Variants in ZBTB40 observed in about 807,000 individuals in gnomAD.
The protein encoded by ZBTB40 is zinc finger and BTB domain containing 40.
A neutral mutation model predicts 117.5 loss-of-function variants in ZBTB40; 60 were observed. The observed-to-expected ratio is 0.51, with a 90% CI of 0.41 to 0.63. The LOEUF (loss-of-function observed/expected upper bound fraction) is 0.63. Ranked by LOEUF, ZBTB40 falls within the 30% of genes least tolerant of loss-of-function variation. ZBTB40 has a pLI of 0.00. For synonymous variants in ZBTB40, 525 were observed against 577.1 expected (o/e 0.91, Z 1.29); for missense variants, 1,287 against 1,498.5 (o/e 0.86, Z 2.33).
chr1:22,447,789 C>G (rs922276210), upstream of ZBTB40, among the ~76,000 whole-genome samples: 1 of 152,162 alleles, frequency 6.6e-6, no homozygotes, highest in Non-Finnish European at 1.5e-5. Context: ...AGTCATTTGG[C>G]AAATTCCAAC....
At chr1:22,524,514 C>A in intron 17 of ZBTB40, 70 bp downstream of exon 17, 1 of 1,498,284 alleles carries the variant, frequency 6.7e-7, no homozygotes, top group Non-Finnish European at 9.1e-7. Flanking sequence ...AGAGGTGGCT[C>A]TGTCATAGTA....
chr1:22,475,237 TCTG>T (rs1039792865), intron 1 of ZBTB40, among the ~76,000 whole-genome samples: 1 of 152,242 alleles, frequency 6.6e-6, no homozygotes, highest in Non-Finnish European at 1.5e-5. Flanking sequence ...ATTAGTCCAT[TCTG>T]CTGGTCACTA....
intron 1 of ZBTB40, among the ~76,000 whole-genome samples, chr1:22,459,921 C>T (rs989909433): frequency 6.6e-6 from 1 of 152,110 alleles, no homozygotes; most frequent in Non-Finnish European, 1.5e-5. Context: ...CTGTATGCTT[C>T]TTTTTCAGTT....
chr1:22,459,942 T>C (rs1641091940), intron 1 of ZBTB40, among the ~76,000 whole-genome samples: 1 of 152,242 alleles, frequency 6.6e-6, no homozygotes, highest in South Asian at 2.1e-4. Flanking sequence ...TATTAGACCT[T>C]TATTCTTAAC....
intron 1 of ZBTB40, among the ~76,000 whole-genome samples, chr1:22,431,380 G>GTATATATATATATA (rs1299801234): frequency 1.4e-3 from 21 of 15,250 alleles, no homozygotes; most frequent in Admixed American, 2.3e-3. Flanking sequence ...GTGTGTGTGT[G>GTATATATATATATA]TGTGTATATA....
chr1:22,429,796 C>T (rs1569725630), intron 1 of ZBTB40, among the ~76,000 whole-genome samples: 1 of 152,086 alleles, frequency 6.6e-6, no homozygotes, highest in South Asian at 2.1e-4. Context: ...AGTTCGAGAC[C>T]AGTCTGACCA....
At chr1:22,525,755 G>T (rs567984720) in intron 17 of ZBTB40, among the ~76,000 whole-genome samples, 2 of 152,364 alleles carry the variant, frequency 1.3e-5, no homozygotes, top group East Asian at 3.9e-4. Context: ...CTGTGAGCCT[G>T]CGAGAGGTCC....
At chr1:22,489,148 A>G (rs560201149) in intron 1 of ZBTB40, among the ~76,000 whole-genome samples, 13 of 152,224 alleles carry the variant, frequency 8.5e-5, no homozygotes, top group Admixed American at 6.5e-4. Context: ...TTGGAGGTCT[A>G]CATCAGGAGT....
At chr1:22,509,439 C>G (rs751257402) in intron 9 of ZBTB40, among the ~76,000 whole-genome samples, 9 of 152,162 alleles carry the variant, frequency 5.9e-5, no homozygotes, top group Non-Finnish European at 1.0e-4. Context: ...CTCTGCCTTC[C>G]GGGTTCAAGC....
rs535625700 is a variant in ZBTB40 at position 22,438,860 on chromosome 1, T to G, written c.-70+9846T>G. The stretch of plus-strand genomic sequence containing the variant: ...TTCTTTTGCCCATTTTTTATTTCAT[T>G]TTATTTATTTATTTATTTATTTTTT... On this transcript the variant is annotated intron_variant, in intron 1 of 8. Transcript: ENST00000650433. 1.6e-3 allele frequency among the ~76,000 whole-genome samples: 239 copies of G among 152,064 alleles called. 1 individual carries two copies. The highest frequency in any genetic ancestry group is 5.6e-3 in the African/African-American group (232 of 41,440).
At chr1:22,473,381 T>C (rs1641459276) in intron 1 of ZBTB40, among the ~76,000 whole-genome samples, 1 of 152,212 alleles carries the variant, frequency 6.6e-6, no homozygotes, top group Non-Finnish European at 1.5e-5. Flanking sequence ...CTATATGTCC[T>C]TGGGTCTGTT....
At chr1:22,497,104 T>G (rs540604031) in intron 3 of ZBTB40, among the ~76,000 whole-genome samples, 1 of 152,356 alleles carries the variant, frequency 6.6e-6, no homozygotes, top group East Asian at 1.9e-4. Context: ...ATTGTCTTCC[T>G]TCTTTATTCC....
At chr1:22,483,295 C>T (rs1228664645) in intron 1 of ZBTB40, among the ~76,000 whole-genome samples, 1 of 152,130 alleles carries the variant, frequency 6.6e-6, no homozygotes, top group Non-Finnish European at 1.5e-5. Context: ...AAGTCTTCAA[C>T]CCCTTTGGTT....
chr1:22,448,549 A>G (rs1257484168), upstream of ZBTB40, among the ~76,000 whole-genome samples: 1 of 152,166 alleles, frequency 6.6e-6, no homozygotes. Flanking sequence ...AAAAGTGCAG[A>G]CTGCAGTCAG....
At chr1:22,521,120 G>T (rs979501571) in intron 14 of ZBTB40, among the ~76,000 whole-genome samples, 2 of 152,258 alleles carry the variant, frequency 1.3e-5, no homozygotes, top group African/African-American at 4.8e-5. Flanking sequence ...AGGTGTTACA[G>T]TTGGAAGGCC....
intron 1 of ZBTB40, among the ~76,000 whole-genome samples, chr1:22,455,589 CT>C (rs1360126844): frequency 6.6e-6 from 1 of 152,084 alleles, no homozygotes; most frequent in African/African-American, 2.4e-5. Flanking sequence ...TGGGTGGGAC[CT>C]TTGCATCTAA....
intron 1 of ZBTB40, among the ~76,000 whole-genome samples, chr1:22,486,641 C>T (rs1638477061): frequency 6.6e-6 from 1 of 152,182 alleles, no homozygotes; most frequent in South Asian, 2.1e-4. Flanking sequence ...GCACACTGAG[C>T]CTCCAGTGAT....
At position 22,488,649 on chromosome 1, in the gene ZBTB40, C is replaced by A. The variant is rs115707452; in HGVS notation, c.-69-1231C>A. On this transcript the variant is annotated intron_variant, in intron 1 of 17. Transcript: ENST00000375647. ...GATGAGGTTAGGAGCCGATGACAGC[C>A]AGATCATGATTAAAGGCTTGCTAGG... Among the ~76,000 whole-genome samples the A allele has an allele frequency of 8.7e-3, 1,320 of 152,270 alleles. 10 individuals carry two copies. Among genetic ancestry groups the A allele is most frequent in the African/African-American group, 0.03 (1,250 of 41,554 alleles).
intron 1 of ZBTB40, among the ~76,000 whole-genome samples, chr1:22,460,013 AC>A (rs1281109083): frequency 6.6e-6 from 1 of 152,190 alleles, no homozygotes; most frequent in Non-Finnish European, 1.5e-5. Context: ...AGTTCTACAC[AC>A]CCACATATTC....
Sources: gnomAD v4.1 joint callset for allele counts (sites outside exome capture counted in the v4.1 genomes callset) on GRCh38, gnomAD v4.1.1 for gene constraint, MANE v1.5 for transcripts, NCBI Gene and HGNC (gene_info 2026-07-23, HGNC 2026-07-21) for gene names.